The following UPF3B variants were observed in gnomAD, a reference collection of about 807,000 sequenced individuals.
UPF3B encodes UPF3B regulator of nonsense mediated mRNA decay.
A neutral mutation model predicts 40.3 loss-of-function variants in UPF3B; 7 were observed. The observed-to-expected ratio is 0.17, with a 90% CI of 0.10 to 0.33. UPF3B has a LOEUF of 0.33. UPF3B is among the 10% of genes least tolerant of loss of function. UPF3B has a pLI of 1.00. For synonymous variants in UPF3B, 117 were observed against 117.3 expected (o/e 1.00, Z 0.01); for missense variants, 229 against 358.9 (o/e 0.64, Z 2.93).
chrX:119,836,682 G>A (rs1227511711), intron 10 of UPF3B, among the ~76,000 whole-genome samples: 1 of 104,930 alleles, frequency 9.5e-6, no homozygotes, highest in Non-Finnish European at 2.0e-5. Flanking sequence ...ACAGAGTCTC[G>A]CTCTGTTGCC....
At chrX:119,846,993 TA>T (rs1357837574) in intron 3 of UPF3B, among the ~76,000 whole-genome samples, 12 of 112,455 alleles carry the variant, frequency 1.1e-4, no homozygotes, top group Non-Finnish European at 2.1e-4. Context: ...TCTTCAAAGA[TA>T]ATATACAAAT....
intron 4 of UPF3B, among the ~76,000 whole-genome samples, chrX:119,817,650 G>T (rs2055876849): frequency 8.9e-6 from 1 of 111,896 alleles, no homozygotes; most frequent in Non-Finnish European, 1.9e-5. Flanking sequence ...AAATCTTTTG[G>T]CATCAAAATA....
At chrX:119,812,212 C>T (rs1462822330) in intron 5 of UPF3B, among the ~76,000 whole-genome samples, 1 of 110,082 alleles carries the variant, frequency 9.1e-6, no homozygotes, top group Non-Finnish European at 1.9e-5. Flanking sequence ...AAGATGGCAC[C>T]ACTGCACTAC....
intron 5 of UPF3B, among the ~76,000 whole-genome samples, chrX:119,809,829 G>C (rs892010464): frequency 8.9e-6 from 1 of 111,764 alleles, no homozygotes; most frequent in Non-Finnish European, 1.9e-5. Flanking sequence ...AGTTTGAAAA[G>C]AGCTACAATC....
At chrX:119,851,718 T>C in intron 2 of UPF3B, 49 bp downstream of exon 2, 1 of 983,179 alleles carries the variant, frequency 1.0e-6, no homozygotes, top group African/African-American at 2.1e-5. Flanking sequence ...ATAAAAAGAA[T>C]GAAAGAAACC....
chrX:119,830,741 C>CAAAA (rs1212201382), downstream of UPF3B, among the ~76,000 whole-genome samples: 29 of 82,634 alleles, frequency 3.5e-4, no homozygotes, highest in African/African-American at 1.3e-3. Flanking sequence ...TACTGTGTCT[C>CAAAA]AAAAAAAAAA....
At chrX:119,827,550 C>A (rs2055991293) in intron 3 of UPF3B, among the ~76,000 whole-genome samples, 1 of 110,617 alleles carries the variant, frequency 9.0e-6, no homozygotes. Context: ...AGGTGCACCA[C>A]CACGCCCAGC....
chrX:119,841,789 G>A lies in UPF3B; in HGVS notation c.581-11C>T. On this transcript the variant is annotated splice_polypyrimidine_tract_variant and intron_variant, in intron 5 of 10. Transcript: ENST00000276201. ...GGGTTGTCTTTTTAGCTACATAAATGTAAACAGATTATTAATCATACTTAT... is the reference window on the plus strand; with the variant it reads ...GGGTTGTCTTTTTAGCTACATAAATATAAACAGATTATTAATCATACTTAT... 8.4e-7 allele frequency: 1 copy of A among 1,188,173 alleles called. No individual in the cohort carries two copies. The highest frequency in any genetic ancestry group is 1.1e-6 in the Non-Finnish European group (1 of 875,174).
At chrX:119,813,955 G>C (rs190221717) in intron 5 of UPF3B, among the ~76,000 whole-genome samples, 1 of 111,537 alleles carries the variant, frequency 9.0e-6, no homozygotes, top group South Asian at 3.7e-4. Flanking sequence ...TGAACTGATC[G>C]TTCTCTGGTG....
At chrX:119,847,921 C>T (rs1326070972) in intron 3 of UPF3B, among the ~76,000 whole-genome samples, 1 of 110,850 alleles carries the variant, frequency 9.0e-6, no homozygotes, top group African/African-American at 3.3e-5. Context: ...GGAAGCAACT[C>T]GAATACCCCT....
chrX:119,840,408 T>C (rs2056147291), intron 8 of UPF3B, among the ~76,000 whole-genome samples: 1 of 111,719 alleles, frequency 9.0e-6, no homozygotes, highest in African/African-American at 3.3e-5. Context: ...ATGGTTGTCC[T>C]CTGGCTGTAG....
Position 119,840,967 on chromosome X carries a change from AAAAAC to A in UPF3B, c.807+104_807+108del, listed in dbSNP as rs747310860. ...GGATCACTTCCCCCCAAAAGAGAAC[AAAAAC>A]AAAACAAAAAATTCATTTACACCAA... On this transcript the variant is annotated intron_variant, in intron 7 of 10. Coordinates refer to ENST00000276201, the MANE Select transcript of UPF3B (RefSeq NM_080632.3). The A allele has an allele frequency of 1.2e-5, 11 of 942,291 alleles. No individual in the cohort carries two copies. In the Admixed American group the frequency reaches 1.6e-4, roughly 14 times the overall value. 77.7% of individuals were successfully genotyped at this position (942,291 alleles called of 1,213,427 possible). A position where few individuals can be genotyped will look rare whatever the true frequency, so the allele number is the denominator to read the frequency against.
At chrX:119,851,944 T>C (rs1311351189) in intron 1 of UPF3B, 71 bp from the exon 2 acceptor site, 1 of 722,098 alleles carries the variant, frequency 1.4e-6, no homozygotes, top group African/African-American at 2.2e-5. Context: ...GAATCACAGT[T>C]CCTGAAGAAG....
intron 8 of UPF3B, among the ~76,000 whole-genome samples, chrX:119,839,045 G>A (rs1334446760): frequency 1.8e-5 from 2 of 111,900 alleles, no homozygotes; most frequent in Non-Finnish European, 3.8e-5. Flanking sequence ...CCACAGTGCT[G>A]AGATTACAGG....
chrX:119,842,932 G>C (rs1436985769), intron 5 of UPF3B, among the ~76,000 whole-genome samples: 1 of 112,164 alleles, frequency 8.9e-6, no homozygotes, highest in African/African-American at 3.2e-5. Context: ...GCTTACCACT[G>C]TCTAAACATT....
intron 4 of UPF3B, among the ~76,000 whole-genome samples, chrX:119,818,456 C>T (rs747618320): frequency 9.0e-6 from 1 of 110,947 alleles, no homozygotes; most frequent in Non-Finnish European, 1.9e-5. Flanking sequence ...TGGCAGGTGT[C>T]TGTAATTCCA....
At chrX:119,814,859 C>CTTTTTTTTTTT (rs140201169) in intron 5 of UPF3B, among the ~76,000 whole-genome samples, 13 of 46,256 alleles carry the variant, frequency 2.8e-4, no homozygotes, top group South Asian at 2.4e-3. Context: ...TTCTTTCTTT[C>CTTTTTTTTTTT]TTTTTTTTTT....
chrX:119,809,565 CAG>C (rs1215754514), intron 5 of UPF3B, among the ~76,000 whole-genome samples: 1 of 111,209 alleles, frequency 9.0e-6, no homozygotes, highest in Admixed American at 9.7e-5. Context: ...TACTAAAAAA[CAG>C]AAAAATTAGC....
At chrX:119,827,266 C>A in intron 3 of UPF3B, among the ~76,000 whole-genome samples, 1 of 111,313 alleles carries the variant, frequency 9.0e-6, no homozygotes, top group Non-Finnish European at 1.9e-5. Flanking sequence ...TAAATTACCA[C>A]GATCTCCAAT....
Sources: gnomAD v4.1 joint callset for allele counts (sites outside exome capture counted in the v4.1 genomes callset) on GRCh38, gnomAD v4.1.1 for gene constraint, MANE v1.5 for transcripts, NCBI Gene and HGNC (gene_info 2026-07-23, HGNC 2026-07-21) for gene names.